The following TMPRSS15 variants were observed in gnomAD, a reference collection of about 807,000 sequenced individuals.
The protein encoded by TMPRSS15 is enteropeptidase.
Under a neutral mutation model 125.3 loss-of-function variants are expected in TMPRSS15, and 128 were observed. The ratio of observed to expected loss-of-function variants is 1.02; its 90% CI spans 0.89 to 1.18. The LOEUF (loss-of-function observed/expected upper bound fraction) is 1.18, where lower values mean the gene tolerates loss of function less well. Among genes scored for constraint, TMPRSS15 ranks in the 50% most tolerant of loss-of-function variants. The probability of loss-of-function intolerance (pLI) is 0.00; values close to 1 mark genes in which losing one functional copy is unlikely to be tolerated. For missense variants in TMPRSS15, 1,283 were observed against 1,212.7 expected, an observed-to-expected ratio of 1.06 and a Z score of -0.86; for synonymous variants, 446 against 423.2, an observed-to-expected ratio of 1.05 and a Z score of -0.66.
Position 18,297,888 on chromosome 21 carries a change from G to T in TMPRSS15, c.2166-59C>A. On this transcript the variant is annotated intron_variant, in intron 18 of 24. Transcript: ENST00000284885. ...CAAAAGCATAAAGAAAAGACCATAA[G>T]TTAGACTTTCAGTTCCTTAATGCTA... 6 of 1,339,826 alleles carry T rather than the reference G, an allele frequency of 4.5e-6. No individual in the cohort carries two copies. In the South Asian group the frequency reaches 7.2e-5, roughly 16 times the overall value. The allele number at this position is 1,339,826 out of a possible 1,614,324, so 83.0% of individuals were successfully genotyped here.
chr21:18,465,967 G>A (rs535618463), intron 1 of TMPRSS15, among the ~76,000 whole-genome samples: 10 of 152,058 alleles, frequency 6.6e-5, no homozygotes, highest in East Asian at 3.9e-4. Flanking sequence ...AATCCTAAGC[G>A]AAAAGAACAA....
intron 1 of TMPRSS15, among the ~76,000 whole-genome samples, chr21:18,456,353 G>T (rs1978440511): frequency 6.6e-6 from 1 of 152,052 alleles, no homozygotes; most frequent in Non-Finnish European, 1.5e-5. Flanking sequence ...TATCTAAGAA[G>T]TGAAATAATT....
At chr21:18,401,753 A>G (rs1205610354) in intron 1 of TMPRSS15, among the ~76,000 whole-genome samples, 1 of 152,242 alleles carries the variant, frequency 6.6e-6, no homozygotes, top group Non-Finnish European at 1.5e-5. Context: ...AAAGAAAAAA[A>G]TAGCAGTATG....
chr21:18,283,243 T>G (rs2074722790), intron 21 of TMPRSS15, among the ~76,000 whole-genome samples: 1 of 151,884 alleles, frequency 6.6e-6, no homozygotes, highest in South Asian at 2.1e-4. Context: ...TTTCTGAACT[T>G]CTTTCTCTAT....
chr21:18,280,290 A>G (rs770637622), intron 22 of TMPRSS15, among the ~76,000 whole-genome samples: 1 of 152,120 alleles, frequency 6.6e-6, no homozygotes, highest in African/African-American at 2.4e-5. Flanking sequence ...ACTTCATCCT[A>G]TGAAGGCCGG....
intron 1 of TMPRSS15, among the ~76,000 whole-genome samples, chr21:18,425,328 T>C (rs1278436352): frequency 6.6e-6 from 1 of 152,146 alleles, no homozygotes; most frequent in Non-Finnish European, 1.5e-5. Flanking sequence ...GGATGGTAGA[T>C]TGTCAAATCT....
rs374380674 is a variant in TMPRSS15 at position 18,403,555 on chromosome 21, G to A, written c.68C>T (p.Ala23Val). ...SLSSYEIMFA[A>V]LFAILVVLCA... is the part of the protein sequence containing the mutation. ...GAGCACTACCAATATGGCAAAGAGA[G>A]CTGCAAACATGATTTCATAGGAGCT... The change falls in exon 1 of 25, where the codon GCT (alanine) becomes GTT (valine). Residue 23 changes from alanine (A) to valine (V), a missense_variant. Physicochemically the swap from Ala to Val is moderately conservative, Grantham distance 64 (BLOSUM62 0). Coordinates refer to ENST00000284885, the MANE Select transcript of TMPRSS15 (RefSeq NM_002772.3). The A allele has an allele frequency of 4.3e-6, 7 of 1,614,062 alleles. No individual in the cohort carries two copies. The African/African-American group carries it at 6.7e-5, about 15-fold the overall frequency.
intron 24 of TMPRSS15, among the ~76,000 whole-genome samples, chr21:18,274,276 A>G (rs536932383): frequency 1.5e-4 from 23 of 152,322 alleles, no homozygotes; most frequent in African/African-American, 5.3e-4. Context: ...ACTTGCCCAA[A>G]GTCTCACCAA....
rs541291099 is a variant in TMPRSS15 at position 18,456,831 on chromosome 21, T to C, written c.10+28968A>G. On this transcript the variant is annotated intron_variant, in intron 1 of 7. Transcript: ENST00000422787. ...ATTTTCAGAAATTTATATCTTCCTT[T>C]TACAAAGTTATGAGTAATTATTTCA... Among the ~76,000 whole-genome samples, 9 of 152,222 alleles carry C rather than the reference T, an allele frequency of 5.9e-5. No individual in the cohort carries two copies. In the South Asian group the frequency reaches 1.9e-3, roughly 32 times the overall value.
At chr21:18,411,906 G>T (rs553690988) in intron 1 of TMPRSS15, among the ~76,000 whole-genome samples, 4 of 152,284 alleles carry the variant, frequency 2.6e-5, no homozygotes, top group African/African-American at 9.6e-5. Flanking sequence ...TTCAAAAATA[G>T]ACCTGTATTT....
intron 3 of TMPRSS15, among the ~76,000 whole-genome samples, chr21:18,391,561 T>C (rs2123094303): frequency 6.6e-6 from 1 of 152,316 alleles, no homozygotes. Flanking sequence ...TCCACCCTAG[T>C]GGCTTTGAAG....
At chr21:18,352,549 G>A (rs972659947) in intron 10 of TMPRSS15, among the ~76,000 whole-genome samples, 2 of 151,918 alleles carry the variant, frequency 1.3e-5, no homozygotes, top group Non-Finnish European at 2.9e-5. Flanking sequence ...ATCAGAAAAC[G>A]AAATTAAGAC....
At chr21:18,352,435 T>C (rs139029457) in intron 10 of TMPRSS15, among the ~76,000 whole-genome samples, 42 of 152,218 alleles carry the variant, frequency 2.8e-4, no homozygotes, top group African/African-American at 9.9e-4. Context: ...TAAGGAATTC[T>C]TTAAAGGAAC....
At chr21:18,273,437 A>G (rs1372380458) in intron 24 of TMPRSS15, among the ~76,000 whole-genome samples, 1 of 152,222 alleles carries the variant, frequency 6.6e-6, no homozygotes, top group African/African-American at 2.4e-5. Flanking sequence ...TGTATTAATT[A>G]CTCAATTATG....
intron 16 of TMPRSS15, among the ~76,000 whole-genome samples, chr21:18,318,594 T>C (rs2075199294): frequency 6.6e-6 from 1 of 152,162 alleles, no homozygotes; most frequent in Non-Finnish European, 1.5e-5. Context: ...TTAGATGATA[T>C]AAAAGTGTTG....
chr21:18,312,016 A>T (rs140117714), intron 18 of TMPRSS15, among the ~76,000 whole-genome samples: 1 of 152,288 alleles, frequency 6.6e-6, no homozygotes, highest in East Asian at 1.9e-4. Context: ...CAAAATAGAC[A>T]TGGTTCTTCC....
At chr21:18,360,759 CA>C (rs1036748882) in intron 7 of TMPRSS15, among the ~76,000 whole-genome samples, 4 of 152,120 alleles carry the variant, frequency 2.6e-5, no homozygotes, top group African/African-American at 9.6e-5. Flanking sequence ...TCTGGCTATT[CA>C]GGTTTTGTTG....
At chr21:18,272,388 A>G (rs965643877) in intron 24 of TMPRSS15, among the ~76,000 whole-genome samples, 2 of 151,984 alleles carry the variant, frequency 1.3e-5, no homozygotes, top group Non-Finnish European at 2.9e-5. Flanking sequence ...AGATATTAAT[A>G]TTTCATTCTT....
At chr21:18,373,717 T>C (rs2147049391) in intron 5 of TMPRSS15, among the ~76,000 whole-genome samples, 1 of 152,318 alleles carries the variant, frequency 6.6e-6, no homozygotes, top group Non-Finnish European at 1.5e-5. Context: ...ACTTTGGCTG[T>C]CCTAATGCTT....
Sources: allele counts gnomAD v4.1 joint callset (sites outside exome capture counted in the v4.1 genomes callset), GRCh38; gene constraint gnomAD v4.1.1; transcripts MANE v1.5; gene names NCBI Gene and HGNC (gene_info 2026-07-23, HGNC 2026-07-21).